Variants in RAD50 observed in about 807,000 individuals in gnomAD.
RAD50 encodes DNA repair protein RAD50.
In RAD50, 132 loss-of-function variants were observed where a neutral mutation model predicts 168.8. The ratio of observed to expected loss-of-function variants is 0.78; its 90% confidence interval spans 0.68 to 0.90. The LOEUF (loss-of-function observed/expected upper bound fraction) is 0.90. Among genes scored for constraint, RAD50 ranks in the 40% least tolerant of loss-of-function variants. The pLI, the probability that RAD50 is intolerant of heterozygous loss-of-function variation, is 0.00. For missense variants in RAD50, 1,347 were observed against 1,534.4 expected, an observed-to-expected ratio of 0.88 and a Z score of 2.04; for synonymous variants, 525 against 497.4, an observed-to-expected ratio of 1.06 and a Z score of -0.74.
Position 132,589,674 on chromosome 5 carries a change from A to G in RAD50, c.1289A>G (p.Asp430Gly). The change falls in exon 9 of 25, where the codon GAT becomes GGT. Residue 430 changes from aspartate to glycine, a missense_variant. Coordinates refer to ENST00000378823, the MANE Select transcript of RAD50 (RefSeq NM_005732.4). ...EKETLKQKQI[D>G]EIRDKKTGLG... The stretch of plus-strand genomic sequence containing the variant: ...GAGACTCTGAAACAAAAACAGATAG[A>G]TGAGATAAGAGATAAGAAAACTGGA... 4.4e-6 allele frequency: 7 copies of G among 1,608,782 alleles called. No homozygotes were observed. The highest frequency in any genetic ancestry group is 5.9e-6 in the Non-Finnish European group (7 of 1,177,552).
At chr5:132,566,582 A>G (rs559225260) in intron 2 of RAD50, among the ~76,000 whole-genome samples, 31 of 152,092 alleles carry the variant, frequency 2.0e-4, no homozygotes, top group Admixed American at 1.1e-3. Flanking sequence ...CTGCCTTCCT[A>G]TCTCTCCTCG....
At chr5:132,601,687 T>G (rs1357482857) in intron 13 of RAD50, among the ~76,000 whole-genome samples, 1 of 152,160 alleles carries the variant, frequency 6.6e-6, no homozygotes, top group Non-Finnish European at 1.5e-5. Context: ...ATATGTTTAT[T>G]GCGGCACTGT....
At chr5:132,639,105 G>T (rs938323466) in intron 23 of RAD50, among the ~76,000 whole-genome samples, 1 of 151,390 alleles carries the variant, frequency 6.6e-6, no homozygotes, top group African/African-American at 2.4e-5. Context: ...ACCTGTAATC[G>T]CAGCACTTTG....
intron 12 of RAD50, chr5:132,595,264 T>C (rs1750769542): frequency 1.8e-5 from 11 of 600,490 alleles, no homozygotes; most frequent in Non-Finnish European, 2.9e-5. Flanking sequence ...CTACCACCTG[T>C]GGTACTGAGG....
intron 21 of RAD50, among the ~76,000 whole-genome samples, chr5:132,629,122 T>C (rs1481561122): frequency 6.6e-6 from 1 of 152,190 alleles, no homozygotes; most frequent in Non-Finnish European, 1.5e-5. Context: ...TATCCCTGCA[T>C]ACCCTGAGAA....
intron 13 of RAD50, among the ~76,000 whole-genome samples, chr5:132,598,155 C>G (rs574021079): frequency 1.3e-5 from 2 of 151,790 alleles, no homozygotes; most frequent in South Asian, 2.1e-4. Context: ...TCAAGCAATT[C>G]CCCTGCCTCA....
intron 19 of RAD50, among the ~76,000 whole-genome samples, chr5:132,615,274 T>C (rs1048619548): frequency 5.3e-5 from 8 of 152,220 alleles, no homozygotes; most frequent in South Asian, 2.1e-4. Context: ...CTAAGTGTTA[T>C]TGAGTCTCTT....
At chr5:132,638,381 C>T (rs1751640457) in intron 23 of RAD50, 158 bp downstream of exon 23, 1 of 836,126 alleles carries the variant, frequency 1.2e-6, no homozygotes, top group East Asian at 2.7e-5. Flanking sequence ...TTATTACACT[C>T]TCCTGAAGCT....
At chr5:132,557,842 A>G (rs947439765) in intron 1 of RAD50, among the ~76,000 whole-genome samples, 2 of 152,262 alleles carry the variant, frequency 1.3e-5, no homozygotes, top group South Asian at 2.1e-4. Context: ...TAAAAGTTAT[A>G]AAATGATACA....
At chr5:132,611,971 TA>T (rs1369827646) in intron 19 of RAD50, among the ~76,000 whole-genome samples, 1 of 152,224 alleles carries the variant, frequency 6.6e-6, no homozygotes. Context: ...CAAAGGTTCT[TA>T]GCTAGGGGCA....
At chr5:132,580,238 A>G (rs1037659654) in intron 5 of RAD50, among the ~76,000 whole-genome samples, 172 bp downstream of exon 5, 1 of 152,148 alleles carries the variant, frequency 6.6e-6, no homozygotes, top group Non-Finnish European at 1.5e-5. Context: ...GCAATTATAT[A>G]TTGTTATTAA....
Position 132,559,359 on chromosome 5 carries a change from G to A in RAD50, c.205G>A (p.Asp69Asn), listed in dbSNP as rs370769989. 30 of 1,607,968 alleles carry A rather than the reference G, an allele frequency of 1.9e-5. No individual in the cohort carries two copies. The highest frequency in any genetic ancestry group is 2.0e-5 in the Non-Finnish European group (24 of 1,177,026). ...PGTKGNTFVH[D>N]PKVAQETDVR... ...AACCAAAGGAAATACATTTGTACAC[G>A]ATCCCAAGGTAATGGTGCTAGTACA... The change falls in exon 2 of 25, where the codon GAT becomes AAT. Residue 69 changes from aspartate to asparagine, a missense_variant. This residue lies in a region of RAD50 where 703 missense variants were observed against 767.7 expected (regional missense o/e 0.92). Transcript: ENST00000378823.
chr5:132,575,630 T>A (rs1750381259), intron 2 of RAD50, 147 bp from the exon 3 acceptor site: 7 of 736,876 alleles, frequency 9.5e-6, no homozygotes, highest in Non-Finnish European at 1.6e-5. Context: ...TCTTCTATAT[T>A]TTGGATAGCA....
intron 11 of RAD50, among the ~76,000 whole-genome samples, chr5:132,592,404 A>G (rs533213967): frequency 6.6e-6 from 1 of 152,220 alleles, no homozygotes; most frequent in Middle Eastern, 3.4e-3. Flanking sequence ...AAACTAGAAG[A>G]CAGGAGGAGC....
chr5:132,572,155 A>C (rs1750318270), intron 2 of RAD50, among the ~76,000 whole-genome samples: 3 of 152,214 alleles, frequency 2.0e-5, no homozygotes, highest in Admixed American at 6.5e-5. Context: ...TAGATACAGA[A>C]AAAGCTTTTC....
In RAD50 at chr5:132,645,923, T is replaced by C. The variant is rs546948620; in HGVS notation, c.*3559T>C. On this transcript the variant is annotated 3_prime_UTR_variant, in exon 25 of 25. Transcript: ENST00000378823. ...AACATAGTGACATCCCATCTTTACA[T>C]AAAATTTTTAAAAAATTAGCAAGGC... The C allele has an allele frequency of 6.6e-6, 1 of 151,994 alleles. No individual in the cohort carries two copies. Among genetic ancestry groups the C allele is most frequent in the African/African-American group, 2.4e-5 (1 of 41,344 alleles). 9.4% of individuals were successfully genotyped at this position (151,994 alleles called of 1,614,324 possible). A position where few individuals can be genotyped will look rare whatever the true frequency, so the allele number is the denominator to read the frequency against.
At chr5:132,631,479 T>C (rs1006710825) in intron 21 of RAD50, among the ~76,000 whole-genome samples, 19 of 152,148 alleles carry the variant, frequency 1.2e-4, no homozygotes, top group Non-Finnish European at 1.0e-4. Flanking sequence ...AGTTAGTATA[T>C]GCATTTAACT....
chr5:132,616,066 G>C lies in RAD50; in HGVS notation c.3100G>C (p.Val1034Leu). 1 of 1,611,714 alleles carries C rather than the reference G, an allele frequency of 6.2e-7. No homozygotes were observed. The highest frequency in any genetic ancestry group is 8.5e-7 in the Non-Finnish European group (1 of 1,178,044). Residue 1034 changes from valine (V) to leucine (L), a missense_variant, in exon 20 of 25, where the codon GTT (valine) becomes CTT (leucine). This residue lies in a region of RAD50 where 635 missense variants were observed against 739.2 expected (regional missense o/e 0.86). Transcript: ENST00000378823. Reference protein sequence around the residue: ...LRKRNEELKEVEEERKQHLKE... With the variant: ...LRKRNEELKELEEERKQHLKE... Reference sequence around the variant, plus strand: ...AAAAAGAAATGAGGAACTAAAAGAAGTTGAAGAAGAAAGAAAACAACATTT... The same window carrying C: ...AAAAAGAAATGAGGAACTAAAAGAACTTGAAGAAGAAAGAAAACAACATTT...
chr5:132,574,847 A>T (rs897682283), intron 2 of RAD50, among the ~76,000 whole-genome samples: 2 of 152,198 alleles, frequency 1.3e-5, no homozygotes, highest in African/African-American at 4.8e-5. Flanking sequence ...ATATAACAAA[A>T]GTCACCTTTG....
Sources: gnomAD v4.1 joint callset for allele counts (sites outside exome capture counted in the v4.1 genomes callset) on GRCh38, gnomAD v4.1.1 for gene constraint, gnomAD v4.1.1 regional missense constraint, MANE v1.5 for transcripts, NCBI Gene and HGNC (gene_info 2026-07-23, HGNC 2026-07-21) for gene names.